Variants in CACNA1C observed in about 807,000 individuals in gnomAD.
CACNA1C encodes the protein voltage-dependent L-type calcium channel subunit alpha-1C.
CACNA1C carries 30 observed loss-of-function variants against 229.0 expected under a neutral mutation model. The ratio of observed to expected loss-of-function variants is 0.13; its 90% CI spans 0.10 to 0.18. CACNA1C has a LOEUF of 0.18. Ranked by LOEUF, CACNA1C falls within the 10% of genes least tolerant of loss-of-function variation. The pLI, the probability that CACNA1C is intolerant of heterozygous loss-of-function variation, is 1.00. For missense variants in CACNA1C, 1,658 were observed against 2,845.0 expected (o/e 0.58, Z 9.49); for synonymous variants, 1,114 against 1,132.5 (o/e 0.98, Z 0.33).
Position 2,685,739 on chromosome 12 carries a change from C to G in CACNA1C, c.5577C>G (p.Leu1859=), listed in dbSNP as rs1193794181. Reference sequence around the variant, plus strand: ...CCCCATGAGCTCTCTGTTCCAGGCTCTCCTACCAGGATGACGAAAATCGGC... The same window carrying G: ...CCCCATGAGCTCTCTGTTCCAGGCTGTCCTACCAGGATGACGAAAATCGGC... The part of the protein sequence containing the change: ...SEPSLLSTEM[L]SYQDDENRQL... The change falls in exon 44 of 47, where the codon CTC becomes CTG. Residue 1859 remains leucine (L), a synonymous_variant. Coordinates refer to ENST00000399655, the MANE Select transcript of CACNA1C (RefSeq NM_000719.7). 1.9e-6 allele frequency: 3 copies of G among 1,612,818 alleles called. No homozygotes were observed. The highest frequency in any genetic ancestry group is 8.5e-7 in the Non-Finnish European group (1 of 1,178,928).
chr12:2,239,501 T>C (rs2068910004), intron 3 of CACNA1C, among the ~76,000 whole-genome samples: 1 of 151,996 alleles, frequency 6.6e-6, no homozygotes, highest in Admixed American at 6.6e-5. Context: ...AGGGCTGCTC[T>C]CTCCACCCAG....
rs147513017 is a variant in CACNA1C, at chr12:2,223,772, T to C, written c.477+103342T>C. On this transcript the variant is annotated intron_variant, in intron 3 of 46. Coordinates refer to ENST00000399655, the MANE Select transcript of CACNA1C (RefSeq NM_000719.7). ...TACGTACATTAGAATGAAAATGTTA[T>C]ACATCGTAGAAAATGAATAAATCAT... 9.2e-5 allele frequency among the ~76,000 whole-genome samples: 14 copies of C among 152,364 alleles called. No homozygotes were observed. The East Asian group carries it at 2.7e-3, about 29-fold the overall frequency.
intron 3 of CACNA1C, among the ~76,000 whole-genome samples, chr12:2,379,939 G>A (rs966442206): frequency 6.7e-5 from 10 of 148,256 alleles, no homozygotes; most frequent in African/African-American, 2.2e-4. Context: ...GCTGAGGCAG[G>A]AGAATGGCGT....
chr12:2,567,927 A>G (rs562288538), intron 13 of CACNA1C, 133 bp downstream of exon 13: 46 of 598,978 alleles, frequency 7.7e-5, no homozygotes, highest in African/African-American at 7.6e-4. Flanking sequence ...TTCACATGCA[A>G]TGGGGGTAGT....
In CACNA1C at chr12:2,148,395, C is replaced by T. The variant is rs140684042; in HGVS notation, c.477+27965C>T. Among the ~76,000 whole-genome samples the T allele has an allele frequency of 2.5e-3, 378 of 151,474 alleles. 10 individuals are homozygous for T. Among genetic ancestry groups the T allele is most frequent in the African/African-American group, 8.7e-3 (360 of 41,488 alleles). On this transcript the variant is annotated intron_variant, in intron 3 of 46. Coordinates refer to ENST00000399655, the MANE Select transcript of CACNA1C (RefSeq NM_000719.7). Reference sequence around the variant, plus strand: ...ATTGCAGATGGAAATCCCTGCTGCTCACATTTGTATATTTGATCAAACTCT... The same window carrying T: ...ATTGCAGATGGAAATCCCTGCTGCTTACATTTGTATATTTGATCAAACTCT...
intron 3 of CACNA1C, among the ~76,000 whole-genome samples, chr12:2,418,759 C>T (rs2098942776): frequency 6.6e-6 from 1 of 152,130 alleles, no homozygotes; most frequent in Non-Finnish European, 1.5e-5. Flanking sequence ...CCAGTGGAGC[C>T]TCTAGGGAGG....
intron 3 of CACNA1C, among the ~76,000 whole-genome samples, chr12:2,434,085 T>G (rs1488341309): frequency 6.6e-6 from 1 of 152,172 alleles, no homozygotes; most frequent in Non-Finnish European, 1.5e-5. Context: ...GATGCTGCAC[T>G]GGGGAGTCTC....
Position 2,597,521 on chromosome 12 carries a change from C to T in CACNA1C, c.2853+232C>T, listed in dbSNP as rs2153374414. The T allele has an allele frequency of 1.4e-6, 2 of 1,420,346 alleles. No individual in the cohort carries two copies. Among genetic ancestry groups the T allele is most frequent in the African/African-American group, 1.4e-5 (1 of 71,106 alleles). 88.0% of individuals were successfully genotyped at this position (1,420,346 alleles called of 1,614,324 possible). On this transcript the variant is annotated intron_variant, in intron 21 of 46. Coordinates refer to ENST00000399655, the MANE Select transcript of CACNA1C (RefSeq NM_000719.7). The surrounding 1 kb of genome is among the most constrained non-coding windows in gnomAD (Gnocchi z 4.3). ...GGTAATGCAACCTGGGCAATGCATC[C>T]TCTGTCGCTTTCTTTGTCTATCTCT...
At chr12:2,619,763 A>C (rs2082362223) in intron 29 of CACNA1C, among the ~76,000 whole-genome samples, 1 of 152,034 alleles carries the variant, frequency 6.6e-6, no homozygotes, top group Non-Finnish European at 1.5e-5. Flanking sequence ...GTTTTGCTGC[A>C]GGCTAAAGTT....
intron 32 of CACNA1C, among the ~76,000 whole-genome samples, chr12:2,652,696 T>A (rs1232755802): frequency 1.3e-5 from 2 of 152,180 alleles, no homozygotes; most frequent in East Asian, 3.9e-4. Flanking sequence ...GGACTGACCA[T>A]CCAAGGCTCT....
intron 1 of CACNA1C, among the ~76,000 whole-genome samples, chr12:1,996,649 AAAAAAAC>A (rs2040940130): frequency 2.1e-5 from 1 of 46,840 alleles, no homozygotes; most frequent in African/African-American, 1.2e-4. Context: ...AAAAAAAAAA[AAAAAAAC>A]AACAAACTCT....
chr12:2,651,580 T>G lies in CACNA1C; in HGVS notation c.3946-60T>G. 1 of 1,613,404 alleles carries G rather than the reference T, an allele frequency of 6.2e-7. No individual in the cohort carries two copies. The highest frequency in any genetic ancestry group is 2.2e-5 in the East Asian group (1 of 44,854). ...AGGTCTGTATTTCTCGGAGGGGCCC[T>G]CCTGTTCTCACCCCCCTCTTGCTGT... On this transcript the variant is annotated intron_variant, in intron 31 of 46. Coordinates refer to ENST00000399655, the MANE Select transcript of CACNA1C (RefSeq NM_000719.7). This position sits in a 1 kb window ranked among gnomAD's most constrained non-coding sequence, Gnocchi z 5.4.
chr12:2,641,017 G>T (rs988251579), intron 30 of CACNA1C, among the ~76,000 whole-genome samples: 1 of 152,194 alleles, frequency 6.6e-6, no homozygotes, highest in Non-Finnish European at 1.5e-5. Context: ...CTGTAACCAC[G>T]CCTCCTGCCC....
chr12:2,517,745 C>G (rs1156556172), intron 9 of CACNA1C, among the ~76,000 whole-genome samples: 1 of 152,214 alleles, frequency 6.6e-6, no homozygotes, highest in East Asian at 1.9e-4. Context: ...AGCAGAGATG[C>G]ACTGCTCAAA....
At chr12:2,532,536 CA>C (rs1373128881) in intron 9 of CACNA1C, among the ~76,000 whole-genome samples, 1 of 152,210 alleles carries the variant, frequency 6.6e-6, no homozygotes, top group African/African-American at 2.4e-5. Flanking sequence ...ATGTAAGCAG[CA>C]AAAGCGATAG....
At position 2,695,762 on chromosome 12, in the gene CACNA1C, G is replaced by A. The variant is rs2097837320; in HGVS notation, c.*4563G>A. Reference sequence around the variant, plus strand: ...ACGACCTCTTTGTGAAGCCTCTTCTGGGTTTAACTTCATTCATCAATTTAT... The same window carrying A: ...ACGACCTCTTTGTGAAGCCTCTTCTAGGTTTAACTTCATTCATCAATTTAT... On this transcript the variant is annotated 3_prime_UTR_variant, in exon 47 of 47. Coordinates refer to ENST00000399655, the MANE Select transcript of CACNA1C (RefSeq NM_000719.7). 1.3e-5 allele frequency: 2 copies of A among 152,204 alleles called. No homozygotes were observed. The allele number at this position is 152,204 out of a possible 1,614,324, so 9.4% of individuals were successfully genotyped here.
chr12:2,500,600 T>G (rs991911164), intron 7 of CACNA1C, among the ~76,000 whole-genome samples: 3 of 152,144 alleles, frequency 2.0e-5, no homozygotes, highest in Non-Finnish European at 4.4e-5. Context: ...CGTGGCCTCC[T>G]GGAACTGGCT....
intron 3 of CACNA1C, among the ~76,000 whole-genome samples, chr12:2,166,738 G>A (rs1300043371): frequency 6.6e-6 from 1 of 152,200 alleles, no homozygotes; most frequent in Non-Finnish European, 1.5e-5. Context: ...ATAAAAGTTA[G>A]CTGAAATTAT....
intron 1 of CACNA1C, among the ~76,000 whole-genome samples, chr12:2,077,097 C>G (rs555828741): frequency 6.6e-6 from 1 of 152,346 alleles, no homozygotes; most frequent in African/African-American, 2.4e-5. Context: ...CGTTTATGAT[C>G]AACAGGGAAA....
Sources: allele counts gnomAD v4.1 joint callset (sites outside exome capture counted in the v4.1 genomes callset), GRCh38; gene constraint gnomAD v4.1.1; non-coding constraint Gnocchi (gnomAD v3.1); transcripts MANE v1.5; gene names NCBI Gene and HGNC (gene_info 2026-07-23, HGNC 2026-07-21).